The following CARD10 variants were observed in gnomAD, a reference collection of about 807,000 sequenced individuals.
The protein encoded by CARD10 is caspase recruitment domain family member 10.
A neutral mutation model predicts 114.6 loss-of-function variants in CARD10; 49 were observed. The observed-to-expected ratio is 0.43, with a 90% confidence interval of 0.34 to 0.54. The LOEUF is 0.54. Ranked by LOEUF, CARD10 falls within the 20% of genes least tolerant of loss-of-function variation. The pLI, the probability that CARD10 is intolerant of heterozygous loss-of-function variation, is 0.03. For missense variants in CARD10, 1,206 were observed against 1,397.2 expected (o/e 0.86, Z 2.18); for synonymous variants, 602 against 593.2 (o/e 1.01, Z -0.21).
chr22:37,502,715 T>C lies in CARD10; in HGVS notation c.1674A>G (p.Thr558=). The change falls in exon 11 of 20, where the codon ACA becomes ACG. Residue 558 remains threonine, a synonymous_variant. Transcript: ENST00000251973. ...AGAGGCCAGGGGACCAGGGCTTAAG[T>C]GTCACACTCCCTGGGGAAAAAGAAT... ...SSMSDITGSV[T]LKPWSPGLSS... is the part of the protein sequence containing the mutation. 1 of 1,613,114 alleles carries C rather than the reference T, an allele frequency of 6.2e-7. No individual in the cohort carries two copies. Among genetic ancestry groups the C allele is most frequent in the Non-Finnish European group, 8.5e-7 (1 of 1,179,642 alleles).
In CARD10 at chr22:37,497,141, CT is replaced by C. The variant is rs2145755718; in HGVS notation, c.1824del (p.Gly610AlafsTer73). On this transcript the variant is annotated frameshift_variant, in exon 12 of 20. Transcript: ENST00000251973. LOFTEE classifies it high-confidence loss of function. ...CCCTTGTCCTGCGGCTCTGGGCCCC[CT>C]GGGGGGCTCCGGCCAGACACCCGAA... The part of the protein sequence containing the change: ...LAIRVSGRSP[P>X]GGPEPQDKGP... The C allele has an allele frequency of 6.2e-7, 1 of 1,614,068 alleles. No individual in the cohort carries two copies. The highest frequency in any genetic ancestry group is 2.2e-5 in the East Asian group (1 of 44,886).
Position 37,516,158 on chromosome 22 carries a change from C to G in CARD10, c.514G>C (p.Glu172Gln). 6.3e-7 allele frequency: 1 copy of G among 1,593,986 alleles called. No individual in the cohort carries two copies. The highest frequency in any genetic ancestry group is 8.5e-7 in the Non-Finnish European group (1 of 1,170,810). Residue 172 changes from glutamate (E) to glutamine (Q), a missense_variant, in exon 3 of 20, where the codon GAG becomes CAG. Glu to Gln is a conservative substitution (Grantham distance 29). Transcript: ENST00000251973. Reference protein sequence around the residue: ...RVLEEERAGLEQRLRDQQQAQ... With the variant: ...RVLEEERAGLQQRLRDQQQAQ... Reference sequence around the variant, plus strand: ...TGCTGCTGGTCCCGCAGCCGCTGCTCCAGCCCTGCCCGCTCCTCCTCGAGC... The same window carrying G: ...TGCTGCTGGTCCCGCAGCCGCTGCTGCAGCCCTGCCCGCTCCTCCTCGAGC...
chr22:37,510,028 T>C (rs9712934), intron 4 of CARD10, among the ~76,000 whole-genome samples, 184 bp downstream of exon 4: 1 of 101,568 alleles, frequency 9.8e-6, no homozygotes, highest in African/African-American at 3.3e-5. Context: ...GCCCCAGCCC[T>C]GGTACCTGCT....
intron 9 of CARD10, chr22:37,503,943 C>G (rs1184169635): frequency 1.5e-6 from 1 of 677,012 alleles, no homozygotes; most frequent in African/African-American, 1.8e-5. Flanking sequence ...CCCCAGTGAC[C>G]CTCCTGCCAG....
At chr22:37,494,411 C>T (rs1183673970) in intron 15 of CARD10, 9 of 574,148 alleles carry the variant, frequency 1.6e-5, no homozygotes, top group Non-Finnish European at 2.8e-5. Context: ...ATCCCTGTGG[C>T]CCCCGGGAAG....
chr22:37,505,731 C>T (rs1923383126), intron 7 of CARD10, among the ~76,000 whole-genome samples: 1 of 152,092 alleles, frequency 6.6e-6, no homozygotes, highest in African/African-American at 2.4e-5. Flanking sequence ...AGCTCCAGTG[C>T]TAGCTGGCTG....
At chr22:37,511,357 CAAAAA>C (rs1169625822) in intron 3 of CARD10, among the ~76,000 whole-genome samples, 9 of 65,820 alleles carry the variant, frequency 1.4e-4, no homozygotes, top group Non-Finnish European at 2.1e-4. Flanking sequence ...GACCCTGTCT[CAAAAA>C]AAAAAAAAAA....
chr22:37,492,462 G>T lies in CARD10; in HGVS notation c.2724C>A (p.Ile908=). The T allele has an allele frequency of 1.3e-6, 2 of 1,593,404 alleles. No individual in the cohort carries two copies. Among genetic ancestry groups the T allele is most frequent in the Non-Finnish European group, 1.7e-6 (2 of 1,168,436 alleles). The change falls in exon 18 of 20, where the codon ATC becomes ATA. Residue 908 remains isoleucine (I), a synonymous_variant. Transcript: ENST00000251973. This position sits in a 1 kb window ranked among gnomAD's most constrained non-coding sequence, Gnocchi z 5.7. The stretch of plus-strand genomic sequence containing the variant: ...TCCCAACAGACTCCTGGATGGCCCG[G>T]ATCCTGCTGCCTAGCCCAGGGGTGG... ...QPATPGLGSR[I]RAIQESVGKK... is the part of the protein sequence containing the mutation.
rs930988764 is a variant in CARD10 at position 37,508,864 on chromosome 22, A to G, written c.910-182T>C. ...CCATCGGCAGAGTGGGTGTGGCCCCACAAGCCCTACCCACCCTCCAGGGAG... is the reference window on the plus strand; with the variant it reads ...CCATCGGCAGAGTGGGTGTGGCCCCGCAAGCCCTACCCACCCTCCAGGGAG... On this transcript the variant is annotated intron_variant, in intron 4 of 19. Transcript: ENST00000251973. 45 of 1,218,938 alleles carry G rather than the reference A, an allele frequency of 3.7e-5. No individual in the cohort carries two copies. The Admixed American group carries it at 4.1e-4, about 11-fold the overall frequency. The allele number at this position is 1,218,938 out of a possible 1,614,324, so 75.5% of individuals were successfully genotyped here.
rs777106332 is a variant in CARD10, at chr22:37,519,180, C to A, written c.21G>T (p.Ala7=). The stretch of plus-strand genomic sequence containing the variant: ...CCCCGGCCTCCTCCTCGGCCTCCCC[C>A]GCCTCCGCCCGGCCCGGCATGGCCG... MPGRAE[A]GEAEEEAGAG... Residue 7 remains alanine (A), a synonymous_variant, in exon 1 of 20, where the codon GCG becomes GCT. Coordinates refer to ENST00000251973, the MANE Select transcript of CARD10 (RefSeq NM_014550.4). The surrounding 1 kb of genome is among the most constrained non-coding windows in gnomAD (Gnocchi z 4.1). The A allele has an allele frequency of 4.5e-5, 69 of 1,532,514 alleles. No homozygotes were observed. The Admixed American group carries it at 4.7e-4, about 10-fold the overall frequency. 94.9% of individuals were successfully genotyped at this position (1,532,514 alleles called of 1,614,324 possible). A position where few individuals can be genotyped will look rare whatever the true frequency, so the allele number is the denominator to read the frequency against.
chr22:37,515,389 C>T (rs1923804167), intron 3 of CARD10, among the ~76,000 whole-genome samples: 1 of 151,892 alleles, frequency 6.6e-6, no homozygotes, highest in South Asian at 2.1e-4. Context: ...ATGGTGAAAC[C>T]CCATCTCTAC....
Position 37,491,224 on chromosome 22 carries a change from G to A in CARD10, c.3034C>T (p.Gln1012Ter). 6.4e-7 allele frequency: 1 copy of A among 1,568,886 alleles called. No homozygotes were observed. The highest frequency in any genetic ancestry group is 8.6e-7 in the Non-Finnish European group (1 of 1,161,086). The change falls in exon 20 of 20, where the codon CAG becomes TAG. Residue 1012 changes from glutamine to a stop codon, truncating the protein, a stop_gained. Coordinates refer to ENST00000251973, the MANE Select transcript of CARD10 (RefSeq NM_014550.4). LOFTEE classifies it high-confidence loss of function. The part of the protein sequence containing the change: ...KVVRGRILQE[Q>*]ARLVWVECGS... The stretch of plus-strand genomic sequence containing the variant: ...CACTCCACCCACACGAGGCGGGCCT[G>A]CTCCTGCAGGATGCGGCCGCGCACC...
At chr22:37,498,144 C>T (rs1923075784) in intron 11 of CARD10, among the ~76,000 whole-genome samples, 1 of 152,184 alleles carries the variant, frequency 6.6e-6, no homozygotes, top group African/African-American at 2.4e-5. Flanking sequence ...TTCCTGGGTG[C>T]TTTCCATGTG....
intron 4 of CARD10, among the ~76,000 whole-genome samples, chr22:37,509,335 G>T (rs1010292059): frequency 6.6e-6 from 1 of 152,130 alleles, no homozygotes; most frequent in Admixed American, 6.5e-5. Context: ...CCAGAAAAAT[G>T]CTCACACTCA....
chr22:37,496,533 C>G lies in CARD10; in HGVS notation c.1975G>C (p.Gly659Arg), dbSNP rs1923010475. 7 of 1,613,798 alleles carry G rather than the reference C, an allele frequency of 4.3e-6. No homozygotes were observed. The highest frequency in any genetic ancestry group is 5.9e-6 in the Non-Finnish European group (7 of 1,179,926). Reference sequence around the variant, plus strand: ...TGGGCCTCGGCTTCCAGGCACGCCCCCTCCAGACCAGCAGCTTCCACCCTT... The same window carrying G: ...TGGGCCTCGGCTTCCAGGCACGCCCGCTCCAGACCAGCAGCTTCCACCCTT... ...EQRVEAAGLE[G>R]ACLEAEAQQR... Residue 659 changes from glycine (G) to arginine (R), a missense_variant, in exon 13 of 20, where the codon GGG (glycine) becomes CGG (arginine). By Grantham distance (125) the Gly-to-Arg change is moderately radical. Coordinates refer to ENST00000251973, the MANE Select transcript of CARD10 (RefSeq NM_014550.4). This position sits in a 1 kb window ranked among gnomAD's most constrained non-coding sequence, Gnocchi z 4.1.
In CARD10 at chr22:37,496,379, C is replaced by T. The variant is rs1003844052; in HGVS notation, c.2059+70G>A. ...TCCCTTCTCAGGTCCTTGGTCCCTC[C>T]CCACCCCATGCACCACGGGTTAGAG... On this transcript the variant is annotated intron_variant, in intron 13 of 19. Transcript: ENST00000251973. The surrounding 1 kb of genome is among the most constrained non-coding windows in gnomAD (Gnocchi z 4.1). The T allele has an allele frequency of 2.6e-6, 3 of 1,169,400 alleles. No individual in the cohort carries two copies. The highest frequency in any genetic ancestry group is 3.1e-5 in the African/African-American group (2 of 65,072). The allele number at this position is 1,169,400 out of a possible 1,614,324, so 72.4% of individuals were successfully genotyped here.
chr22:37,494,034 T>C, intron 16 of CARD10, 52 bp downstream of exon 16: 1 of 1,324,276 alleles, frequency 7.6e-7, no homozygotes, highest in Admixed American at 2.0e-5. Context: ...GCTGCACACA[T>C]CCCTGGACAA....
chr22:37,512,462 C>T (rs948437038), intron 3 of CARD10, among the ~76,000 whole-genome samples: 1 of 129,048 alleles, frequency 7.7e-6, no homozygotes, highest in Admixed American at 8.0e-5. Flanking sequence ...GGCAGCCCCC[C>T]CTCCACACAC....
chr22:37,519,297 C>A lies in CARD10; in HGVS notation c.-97G>T, dbSNP rs1229686432. 7.4e-7 allele frequency: 1 copy of A among 1,347,000 alleles called. No individual in the cohort carries two copies. The highest frequency in any genetic ancestry group is 1.8e-5 in the South Asian group (1 of 54,714). The allele number at this position is 1,347,000 out of a possible 1,614,324, so 83.4% of individuals were successfully genotyped here. On this transcript the variant is annotated 5_prime_UTR_variant, in exon 1 of 20. Coordinates refer to ENST00000251973, the MANE Select transcript of CARD10 (RefSeq NM_014550.4). This position sits in a 1 kb window ranked among gnomAD's most constrained non-coding sequence, Gnocchi z 4.1. ...GGCCAAGCACCCCCGGGGCGTCGTC[C>A]GCAGACCCGCCGTCGGGGGCGCGCC...
Sources: allele counts gnomAD v4.1 joint callset (sites outside exome capture counted in the v4.1 genomes callset), GRCh38; gene constraint gnomAD v4.1.1; non-coding constraint Gnocchi (gnomAD v3.1); transcripts MANE v1.5; gene names NCBI Gene and HGNC (gene_info 2026-07-23, HGNC 2026-07-21).